SUGCT: variants seen among roughly 807,000 people sequenced by gnomAD.
SUGCT encodes succinyl-CoA:glutarate CoA-transferase.
Under a neutral mutation model 55.0 loss-of-function variants are expected in SUGCT, and 41 were observed. The ratio of observed to expected loss-of-function variants is 0.74; its 90% CI spans 0.58 to 0.97. The LOEUF (loss-of-function observed/expected upper bound fraction) is 0.97. Among genes scored for constraint, SUGCT ranks in the 50% least tolerant of loss-of-function variants. SUGCT has a pLI of 0.00. For synonymous variants in SUGCT, 187 were observed against 200.4 expected (o/e 0.93, Z 0.56); for missense variants, 568 against 547.8 (o/e 1.04, Z -0.37).
chr7:40,768,330 T>C (rs1331239881), intron 13 of SUGCT, among the ~76,000 whole-genome samples: 4 of 152,114 alleles, frequency 2.6e-5, no homozygotes, highest in African/African-American at 9.7e-5. Flanking sequence ...CTCGGCTGCT[T>C]CCTGTGTCCC....
intron 12 of SUGCT, among the ~76,000 whole-genome samples, chr7:40,565,991 A>ACACACACACACG (rs766149097): frequency 1.0e-5 from 1 of 98,614 alleles, no homozygotes; most frequent in Non-Finnish European, 2.0e-5. Flanking sequence ...ACACACACAC[A>ACACACACACACG]CGCACACACA....
At chr7:40,666,300 C>T (rs572662195) in intron 12 of SUGCT, among the ~76,000 whole-genome samples, 4 of 147,760 alleles carry the variant, frequency 2.7e-5, no homozygotes, top group South Asian at 2.1e-4. Context: ...CAGTGAGCCA[C>T]GATCACACCT....
chr7:40,388,329 G>T (rs1328929994), intron 9 of SUGCT, among the ~76,000 whole-genome samples: 1 of 152,094 alleles, frequency 6.6e-6, no homozygotes, highest in Non-Finnish European at 1.5e-5. Flanking sequence ...TAATGAACAG[G>T]CTTATAATAT....
At chr7:40,820,389 A>G (rs1791924378) in intron 13 of SUGCT, among the ~76,000 whole-genome samples, 2 of 152,038 alleles carry the variant, frequency 1.3e-5, no homozygotes, top group Admixed American at 6.6e-5. Context: ...GATTCTTCCT[A>G]TCCATGAGCA....
At chr7:40,735,871 G>C (rs1186574073) in intron 12 of SUGCT, among the ~76,000 whole-genome samples, 1 of 152,082 alleles carries the variant, frequency 6.6e-6, no homozygotes, top group Admixed American at 6.6e-5. Context: ...ATATAGGACA[G>C]TAATTAATTC....
At chr7:40,736,402 A>G (rs1375055027) in intron 12 of SUGCT, among the ~76,000 whole-genome samples, 2 of 151,164 alleles carry the variant, frequency 1.3e-5, no homozygotes, top group Admixed American at 6.6e-5. Flanking sequence ...GGCAGAGGCA[A>G]TATTTTACCA....
chr7:40,840,945 C>T (rs1432564298), intron 13 of SUGCT, among the ~76,000 whole-genome samples: 1 of 152,052 alleles, frequency 6.6e-6, no homozygotes, highest in Non-Finnish European at 1.5e-5. Context: ...TGCCAACTAC[C>T]TAATCCTTTT....
chr7:40,734,321 T>C (rs1787047245), intron 12 of SUGCT, among the ~76,000 whole-genome samples: 1 of 152,234 alleles, frequency 6.6e-6, no homozygotes, highest in East Asian at 1.9e-4. Flanking sequence ...TGGAAAGTCG[T>C]ACTGAACACT....
intron 6 of SUGCT, among the ~76,000 whole-genome samples, chr7:40,220,764 T>G (rs951112655): frequency 6.6e-6 from 1 of 152,220 alleles, no homozygotes; most frequent in African/African-American, 2.4e-5. Flanking sequence ...AAATTATTTA[T>G]TTTTGGAGTA....
chr7:40,622,945 C>G (rs75178872), intron 12 of SUGCT, among the ~76,000 whole-genome samples: 209 of 152,324 alleles, frequency 1.4e-3, no homozygotes, highest in African/African-American at 4.4e-3. Context: ...TTTTCCTTGA[C>G]AAGCATTTGT....
At chr7:40,457,601 T>C (rs1461686735) in intron 10 of SUGCT, among the ~76,000 whole-genome samples, 1 of 152,186 alleles carries the variant, frequency 6.6e-6, no homozygotes, top group East Asian at 1.9e-4. Flanking sequence ...ATGATCACAG[T>C]CATTGAAGTT....
At position 40,759,507 on chromosome 7, in the gene SUGCT, A is replaced by G. The variant is rs193034099; in HGVS notation, c.1153+10010A>G. 4.6e-5 allele frequency among the ~76,000 whole-genome samples: 7 copies of G among 152,302 alleles called. No homozygotes were observed. In the East Asian group the frequency reaches 1.3e-3, roughly 29 times the overall value. On this transcript the variant is annotated intron_variant, in intron 13 of 13. Coordinates refer to ENST00000335693, the MANE Select transcript of SUGCT (RefSeq NM_001193313.2). The stretch of plus-strand genomic sequence containing the variant: ...CAGATAAGAAAATAGAGATTTGCTT[A>G]ATGTTGCTATACCAACCAATGTTAG...
chr7:40,565,991 A>ACACACACACG lies in SUGCT; in HGVS notation c.1089+69606_1089+69607insACACACACGC, dbSNP rs766149097. 2.1e-4 allele frequency among the ~76,000 whole-genome samples: 21 copies of ACACACACACG among 98,612 alleles called. 1 individual carries two copies. Among genetic ancestry groups the ACACACACACG allele is most frequent in the Admixed American group, 9.2e-5 (1 of 10,894 alleles). The allele number at this position is 98,612 out of a possible 152,430, so 64.7% of individuals were successfully genotyped here. A position where few individuals can be genotyped will look rare whatever the true frequency, so the allele number is the denominator to read the frequency against. On this transcript the variant is annotated intron_variant, in intron 12 of 13. Coordinates refer to ENST00000335693, the MANE Select transcript of SUGCT (RefSeq NM_001193313.2). ...ATCACACACACACACACACACACACACGCACACACACACACACACACACAC... is the reference window on the plus strand; with the variant it reads ...ATCACACACACACACACACACACACACACACACACGCGCACACACACACACACACACACAC...
intron 1 of SUGCT, among the ~76,000 whole-genome samples, chr7:40,142,835 G>T (rs545449057): frequency 3.9e-5 from 6 of 152,292 alleles, no homozygotes; most frequent in African/African-American, 1.4e-4. Flanking sequence ...CAAGCCATGT[G>T]GCTTGTAGCC....
intron 12 of SUGCT, among the ~76,000 whole-genome samples, chr7:40,585,139 G>A (rs3919491): frequency 6.6e-6 from 1 of 152,006 alleles, no homozygotes; most frequent in Non-Finnish European, 1.5e-5. Context: ...GGGAAAATGG[G>A]GAATTCTTAA....
At chr7:40,904,875 A>G in the SUGCT span, among the ~76,000 whole-genome samples, 17 of 152,292 alleles carry the variant, frequency 1.1e-4, no homozygotes, top group South Asian at 1.7e-3. Flanking sequence ...TTCACTTTCT[A>G]CTTTGATAAC....
intron 1 of SUGCT, among the ~76,000 whole-genome samples, chr7:40,138,421 T>C (rs1562787928): frequency 6.6e-6 from 1 of 152,238 alleles, no homozygotes; most frequent in African/African-American, 2.4e-5. Flanking sequence ...GTTGATTTCA[T>C]ATCTTTGCTT....
chr7:40,918,378 T>C, the SUGCT span, among the ~76,000 whole-genome samples: 2 of 150,620 alleles, frequency 1.3e-5, no homozygotes, highest in Non-Finnish European at 2.9e-5. Context: ...GGAGAATCAC[T>C]TGAACCCGGG....
At chr7:40,410,407 T>C (rs906660870) in intron 9 of SUGCT, among the ~76,000 whole-genome samples, 1 of 152,184 alleles carries the variant, frequency 6.6e-6, no homozygotes, top group African/African-American at 2.4e-5. Flanking sequence ...TACTTTTTTC[T>C]TCCTTCAGCT....
Sources: allele counts gnomAD v4.1 joint callset (sites outside exome capture counted in the v4.1 genomes callset), GRCh38; gene constraint gnomAD v4.1.1; transcripts MANE v1.5; gene names NCBI Gene and HGNC (gene_info 2026-07-23, HGNC 2026-07-21).